TASOR: variants seen among roughly 807,000 people sequenced by gnomAD.
The protein encoded by TASOR is protein TASOR.
In TASOR, 53 loss-of-function variants were observed where a neutral mutation model predicts 178.6. The ratio of observed to expected loss-of-function variants is 0.30; its 90% CI spans 0.24 to 0.37. The LOEUF is 0.37. Ranked by LOEUF, TASOR falls within the 10% of genes least tolerant of loss-of-function variation. The probability of loss-of-function intolerance (pLI) is 1.00; values close to 1 mark genes in which losing one functional copy is unlikely to be tolerated. For synonymous variants in TASOR, 713 were observed against 696.2 expected, an observed-to-expected ratio of 1.02 and a Z score of -0.38; for missense variants, 1,815 against 1,971.4, an observed-to-expected ratio of 0.92 and a Z score of 1.50.
chr3:56,660,550 C>T (rs1030941701), intron 11 of TASOR, among the ~76,000 whole-genome samples, 181 bp downstream of exon 11: 4 of 150,168 alleles, frequency 2.7e-5, no homozygotes, highest in African/African-American at 7.4e-5. Flanking sequence ...AGCTCCAATA[C>T]CATGGCCCAA....
At chr3:56,669,405 A>T (rs1219784889) in intron 5 of TASOR, among the ~76,000 whole-genome samples, 1 of 151,930 alleles carries the variant, frequency 6.6e-6, no homozygotes, top group Non-Finnish European at 1.5e-5. Flanking sequence ...TGGGAGGTTG[A>T]AGCAGGAGAA....
intron 13 of TASOR, 81 bp downstream of exon 13, chr3:56,648,741 T>A (rs1216007479): frequency 1.0e-6 from 1 of 979,576 alleles, no homozygotes; most frequent in East Asian, 2.6e-5. Flanking sequence ...AAAGACAAAA[T>A]GTTTAGTGAG....
chr3:56,625,109 T>TGACA lies in TASOR; in HGVS notation c.4140-107_4140-104dup, dbSNP rs1337384292. On this transcript the variant is annotated intron_variant, in intron 21 of 23. Transcript: ENST00000683822. ...TCAATTTCTCCACTGAGGCAACTAA[T>TGACA]GACAACTGCACTGCTTTAGCTCTCT... is the stretch of plus-strand genomic sequence containing the variant. 4.9e-6 allele frequency: 5 copies of TGACA among 1,024,970 alleles called. No homozygotes were observed. In the African/African-American group the frequency reaches 8.0e-5, roughly 16 times the overall value. 63.5% of individuals were successfully genotyped at this position (1,024,970 alleles called of 1,614,324 possible).
In TASOR at chr3:56,671,809, A is replaced by C. The variant is rs955395080; in HGVS notation, c.478-117T>G. On this transcript the variant is annotated intron_variant, in intron 2 of 23. Transcript: ENST00000683822. Reference sequence around the variant, plus strand: ...CTACCAAAATGGAAAAATAATCTCTATCTCTCTATACTCTCTGTCCTTCAG... The same window carrying C: ...CTACCAAAATGGAAAAATAATCTCTCTCTCTCTATACTCTCTGTCCTTCAG... 86 of 700,020 alleles carry C rather than the reference A, an allele frequency of 1.2e-4. 1 individual carries two copies. Among genetic ancestry groups the C allele is most frequent in the Admixed American group, 6.6e-4 (24 of 36,092 alleles). 43.4% of individuals were successfully genotyped at this position (700,020 alleles called of 1,614,324 possible). A position where few individuals can be genotyped will look rare whatever the true frequency, so the allele number is the denominator to read the frequency against.
In TASOR at chr3:56,627,742, C is replaced by CTGTTTT; in HGVS notation, c.3871-2_3871-1insAAAACA. The stretch of plus-strand genomic sequence containing the variant: ...TCTTTAAAGTCACCAAGCCAGGTAT[C>CTGTTTT]TGTTTAAATCCCAAAACAAAAAGAG... On this transcript the variant is annotated splice_acceptor_variant, in intron 19 of 23. Transcript: ENST00000683822. LOFTEE classifies it high-confidence loss of function. The CTGTTTT allele has an allele frequency of 6.2e-7, 1 of 1,610,928 alleles. No homozygotes were observed. The highest frequency in any genetic ancestry group is 1.1e-5 in the South Asian group (1 of 90,172).
chr3:56,664,646 A>C lies in TASOR; in HGVS notation c.1023-1074T>G, dbSNP rs374072706. ...GGTTTTAGAACAGCAGTATTTCTAA[A>C]TTAATAGATATCATACATGACTTCA... is the stretch of plus-strand genomic sequence containing the variant. On this transcript the variant is annotated intron_variant, in intron 7 of 23. Coordinates refer to ENST00000683822, the MANE Select transcript of TASOR (RefSeq NM_001365635.2). Among the ~76,000 whole-genome samples the C allele has an allele frequency of 3.9e-5, 6 of 152,236 alleles. No individual in the cohort carries two copies. In the East Asian group the frequency reaches 1.2e-3, roughly 29 times the overall value.
In TASOR at chr3:56,647,214, C is replaced by T. The variant is rs141369589; in HGVS notation, c.1523G>A (p.Gly508Asp). 9.2e-6 allele frequency: 14 copies of T among 1,529,036 alleles called. No homozygotes were observed. The African/African-American group carries it at 1.5e-4, about 17-fold the overall frequency. The allele number at this position is 1,529,036 out of a possible 1,614,324, so 94.7% of individuals were successfully genotyped here. Residue 508 changes from glycine (G) to aspartate (D), a missense_variant, in exon 14 of 24, where the codon GGT (glycine) becomes GAT (aspartate). By Grantham distance (94) the Gly-to-Asp change is moderately conservative (BLOSUM62 -1). Around this residue, in one of 5 missense-constraint regions of TASOR, gnomAD observed 504 missense variants for 645.3 expected, o/e 0.78. Coordinates refer to ENST00000683822, the MANE Select transcript of TASOR (RefSeq NM_001365635.2). ...EPRSIVTSQK[G>D]STNAAPQERH... ...CTCCTGTGGTGCTGCATTGGTTGAA[C>T]CTTTTTGTGCTGTAAATAAAACAAA...
In TASOR at chr3:56,682,913, G is replaced by C. The variant is rs1418108998; in HGVS notation, c.94C>G (p.Pro32Ala). ...TTTTGTTGGGAGGACTCAAGCTCCG[G>C]AAGCGCCTGCTTCATCTCGTCGTCT... ...GGDDEMKQAL[P>A]ELESSQQNGG... Residue 32 changes from proline to alanine, a missense_variant, in exon 1 of 24, where the codon CCG becomes GCG. Physicochemically the swap from Pro to Ala is conservative, Grantham distance 27 (BLOSUM62 -1). Coordinates refer to ENST00000683822, the MANE Select transcript of TASOR (RefSeq NM_001365635.2). 2 of 1,539,448 alleles carry C rather than the reference G, an allele frequency of 1.3e-6. No individual in the cohort carries two copies. Among genetic ancestry groups the C allele is most frequent in the South Asian group, 1.2e-5 (1 of 83,508 alleles).
At chr3:56,678,931 G>C (rs1266829231) in intron 1 of TASOR, among the ~76,000 whole-genome samples, 19 of 148,906 alleles carry the variant, frequency 1.3e-4, no homozygotes, top group African/African-American at 4.2e-4. Flanking sequence ...AGAATCCTTT[G>C]AACCTAGGAT....
chr3:56,658,221 A>G (rs1467072651), intron 11 of TASOR, among the ~76,000 whole-genome samples: 22 of 152,246 alleles, frequency 1.4e-4, no homozygotes, highest in Non-Finnish European at 1.5e-5. Flanking sequence ...GTATCCTTGT[A>G]GAATGCTAGC....
At chr3:56,660,863 T>C in intron 10 of TASOR, 29 bp from the exon 11 acceptor site, 1 of 1,609,406 alleles carries the variant, frequency 6.2e-7, no homozygotes, top group Admixed American at 1.7e-5. Context: ...ATAGTAAATA[T>C]CCAAATCAAG....
intron 17 of TASOR, 27 bp downstream of exon 17, chr3:56,638,679 G>C: frequency 6.2e-7 from 1 of 1,613,250 alleles, no homozygotes; most frequent in South Asian, 1.1e-5. Flanking sequence ...GGCACACTGG[G>C]AAGAAAAGCA....
chr3:56,662,875 A>G (rs116518648), intron 8 of TASOR, among the ~76,000 whole-genome samples: 4,076 of 152,258 alleles, frequency 0.027, 100 homozygotes, highest in African/African-American at 0.062. Context: ...TTGTGTTTTC[A>G]TTATAAAGAA....
intron 11 of TASOR, among the ~76,000 whole-genome samples, chr3:56,651,684 A>G (rs1375872186): frequency 2.0e-5 from 3 of 150,544 alleles, no homozygotes; most frequent in African/African-American, 4.9e-5. Flanking sequence ...AGCCTAGGCA[A>G]CAGAGAGTCC....
At chr3:56,661,294 G>A (rs1313845928) in intron 9 of TASOR, among the ~76,000 whole-genome samples, 1 of 152,190 alleles carries the variant, frequency 6.6e-6, no homozygotes, top group East Asian at 1.9e-4. Context: ...CTACAGGCAT[G>A]TGCCACCACG....
intron 11 of TASOR, among the ~76,000 whole-genome samples, chr3:56,659,131 T>C (rs1219258798): frequency 6.6e-6 from 1 of 152,168 alleles, no homozygotes; most frequent in Non-Finnish European, 1.5e-5. Flanking sequence ...AGCACATATA[T>C]ATGAAAATAA....
At chr3:56,678,485 C>T (rs569466086) in intron 1 of TASOR, among the ~76,000 whole-genome samples, 1 of 151,870 alleles carries the variant, frequency 6.6e-6, no homozygotes, top group Non-Finnish European at 1.5e-5. Context: ...CCAGCCCACA[C>T]TCAAGATTTG....
At chr3:56,623,632 T>C (rs1055835061) in intron 23 of TASOR, 66 bp from the exon 24 acceptor site, 3 of 1,540,768 alleles carry the variant, frequency 1.9e-6, no homozygotes, top group Non-Finnish European at 2.6e-6. Flanking sequence ...TTTAAAATTA[T>C]ACACTACTCA....
intron 1 of TASOR, among the ~76,000 whole-genome samples, chr3:56,678,286 A>G (rs2031494450): frequency 1.4e-5 from 2 of 145,232 alleles, no homozygotes; most frequent in Non-Finnish European, 3.0e-5. Flanking sequence ...GGTTCAAGCT[A>G]TTCTCCTGCC....
Sources: allele counts gnomAD v4.1 joint callset (sites outside exome capture counted in the v4.1 genomes callset), GRCh38; gene constraint gnomAD v4.1.1; regional missense constraint gnomAD v4.1.1; transcripts MANE v1.5; gene names NCBI Gene and HGNC (gene_info 2026-07-23, HGNC 2026-07-21).